The following TMPO variants were observed in gnomAD, a reference collection of about 807,000 sequenced individuals.
TMPO encodes the protein LEM domain containing 4.
Under a neutral mutation model 45.4 loss-of-function variants are expected in TMPO, and 22 were observed. The observed-to-expected ratio is 0.48, with a 90% CI of 0.35 to 0.69. The LOEUF (loss-of-function observed/expected upper bound fraction) is 0.69, where lower values mean the gene tolerates loss of function less well. Among genes scored for constraint, TMPO ranks in the 30% least tolerant of loss-of-function variants. TMPO has a pLI of 0.01. For missense variants in TMPO, 512 were observed against 548.8 expected, an observed-to-expected ratio of 0.93 and a Z score of 0.67; for synonymous variants, 241 against 204.1, an observed-to-expected ratio of 1.18 and a Z score of -1.54.
intron 3 of TMPO, chr12:98,534,873 T>A: frequency 1.0e-6 from 1 of 988,892 alleles, no homozygotes; most frequent in East Asian, 1.1e-4. Flanking sequence ...ATCATAGTAG[T>A]CTAGATCAAT....
At position 98,528,022 on chromosome 12, in the gene TMPO, TA is replaced by T; in HGVS notation, c.406+14del. The T allele has an allele frequency of 6.2e-7, 1 of 1,613,812 alleles. No individual in the cohort carries two copies. Among genetic ancestry groups the T allele is most frequent in the Non-Finnish European group, 8.5e-7 (1 of 1,179,858 alleles). The stretch of plus-strand genomic sequence containing the variant: ...CCTGGTCCTATTGTGGGTAAGTTGA[TA>T]AAATTTCAAATACAGTATCTTTTCT... On this transcript the variant is annotated intron_variant, in intron 2 of 8. Coordinates refer to ENST00000556029, the MANE Select transcript of TMPO (RefSeq NM_001032283.3).
intron 2 of TMPO, 70 bp downstream of exon 2, chr12:98,528,082 T>C: frequency 2.5e-6 from 4 of 1,590,356 alleles, no homozygotes; most frequent in Non-Finnish European, 3.4e-6. Flanking sequence ...TTCTCCTTTT[T>C]GTTTAGCAGT....
At chr12:98,536,207 C>G (rs1255932619) in intron 3 of TMPO, among the ~76,000 whole-genome samples, 1 of 152,180 alleles carries the variant, frequency 6.6e-6, no homozygotes, top group Non-Finnish European at 1.5e-5. Context: ...CTTTTTCACA[C>G]AAGTTCAGAG....
intron 3 of TMPO, chr12:98,535,385 C>G (rs1877507811): frequency 1.0e-6 from 1 of 985,190 alleles, no homozygotes; most frequent in African/African-American, 1.7e-5. Context: ...AGAGTCTTAA[C>G]TGCAGAGGTA....
At chr12:98,525,769 G>A (rs550074761) in intron 1 of TMPO, among the ~76,000 whole-genome samples, 1 of 151,358 alleles carries the variant, frequency 6.6e-6, no homozygotes, top group Admixed American at 6.6e-5. Context: ...TTTGATTTGA[G>A]CCTGACAATT....
chr12:98,537,000 A>G (rs1204935810), intron 3 of TMPO, among the ~76,000 whole-genome samples: 1 of 152,154 alleles, frequency 6.6e-6, no homozygotes, highest in East Asian at 1.9e-4. Context: ...TTGGTACTAT[A>G]TGGATTTTTT....
chr12:98,532,773 A>G (rs773809176), intron 3 of TMPO: 1 of 1,613,642 alleles, frequency 6.2e-7, no homozygotes, highest in South Asian at 1.1e-5. Context: ...GAATAAAATC[A>G]GCTCAAACAC....
intron 3 of TMPO, chr12:98,533,746 T>TTCCCTTCAATTA: frequency 6.2e-7 from 1 of 1,614,210 alleles, no homozygotes; most frequent in Non-Finnish European, 8.5e-7. Flanking sequence ...CTTCCATGAA[T>TTCCCTTCAATTA]CTATTTTAAA....
intron 4 of TMPO, 186 bp downstream of exon 4, chr12:98,537,758 G>A (rs1877663378): frequency 3.0e-6 from 2 of 655,908 alleles, no homozygotes; most frequent in East Asian, 2.7e-5. Flanking sequence ...TGTGATTACA[G>A]CAAAAGCAAA....
chr12:98,546,828 C>T (rs972127027), intron 8 of TMPO, among the ~76,000 whole-genome samples: 15 of 152,144 alleles, frequency 9.9e-5, no homozygotes, highest in African/African-American at 3.6e-4. Flanking sequence ...TTACTTACTA[C>T]TTAAATTCAT....
intron 1 of TMPO, among the ~76,000 whole-genome samples, chr12:98,522,177 T>TCCTAA (rs1876422783): frequency 6.6e-6 from 1 of 152,110 alleles, no homozygotes; most frequent in Non-Finnish European, 1.5e-5. Context: ...CCACCATGCC[T>TCCTAA]AGCTGATTTT....
intron 2 of TMPO, among the ~76,000 whole-genome samples, chr12:98,528,426 G>A (rs775365198): frequency 4.1e-4 from 63 of 151,826 alleles, no homozygotes; most frequent in Non-Finnish European, 7.1e-4. Flanking sequence ...ACAGGCGCCC[G>A]CTGCCACGCC....
At chr12:98,529,035 A>T (rs1381505594) in intron 2 of TMPO, among the ~76,000 whole-genome samples, 1 of 151,560 alleles carries the variant, frequency 6.6e-6, no homozygotes, top group African/African-American at 2.4e-5. Flanking sequence ...AAGTTATTAA[A>T]TTCCTAGCCT....
In TMPO at chr12:98,544,638, G is replaced by GTTT. The variant is rs34340378; in HGVS notation, c.879+111_879+113dup. On this transcript the variant is annotated intron_variant, in intron 6 of 8. Coordinates refer to ENST00000556029, the MANE Select transcript of TMPO (RefSeq NM_001032283.3). ...ATTTTGGCAAATCTCAAATTTACATGTTTTTTTTTTTTAACAATTTTAAAC... is the reference window on the plus strand; with the variant it reads ...ATTTTGGCAAATCTCAAATTTACATGTTTTTTTTTTTTTTTAACAATTTTAAAC... The GTTT allele has an allele frequency of 3.6e-3, 2,722 of 761,634 alleles. 5 individuals carry two copies. Among genetic ancestry groups the GTTT allele is most frequent in the East Asian group, 0.014 (458 of 32,792 alleles). 47.2% of individuals were successfully genotyped at this position (761,634 alleles called of 1,614,324 possible). A position where few individuals can be genotyped will look rare whatever the true frequency, so the allele number is the denominator to read the frequency against.
intron 2 of TMPO, 54 bp from the exon 3 acceptor site, chr12:98,531,626 C>T (rs1235003389): frequency 6.4e-7 from 1 of 1,563,086 alleles, no homozygotes; most frequent in Non-Finnish European, 8.8e-7. Flanking sequence ...AGTGTCTGAG[C>T]TGCATCCTAA....
intron 8 of TMPO, among the ~76,000 whole-genome samples, chr12:98,546,827 A>G (rs1878253527): frequency 6.6e-6 from 1 of 152,220 alleles, no homozygotes; most frequent in Non-Finnish European, 1.5e-5. Context: ...CTTACTTACT[A>G]CTTAAATTCA....
chr12:98,540,316 A>G (rs187026933), intron 4 of TMPO, among the ~76,000 whole-genome samples: 141 of 152,328 alleles, frequency 9.3e-4, no homozygotes, highest in African/African-American at 3.2e-3. Flanking sequence ...GCCACTAGCT[A>G]TTGAATACTT....
At chr12:98,528,124 A>T in intron 2 of TMPO, 112 bp downstream of exon 2, 3 of 1,213,112 alleles carry the variant, frequency 2.5e-6, no homozygotes, top group Non-Finnish European at 3.6e-6. Context: ...GTCATTAATC[A>T]TTTGTTATCA....
intron 1 of TMPO, among the ~76,000 whole-genome samples, chr12:98,525,205 G>C (rs1876676450): frequency 6.6e-6 from 1 of 152,176 alleles, no homozygotes; most frequent in Non-Finnish European, 1.5e-5. Context: ...GGATATTATG[G>C]TGTGGGTTGC....
Sources: gnomAD v4.1 joint callset for allele counts (sites outside exome capture counted in the v4.1 genomes callset) on GRCh38, gnomAD v4.1.1 for gene constraint, MANE v1.5 for transcripts, NCBI Gene and HGNC (gene_info 2026-07-23, HGNC 2026-07-21) for gene names.